The following PRMT3 variants were observed in gnomAD, a reference collection of about 807,000 sequenced individuals.
The protein encoded by PRMT3 is protein arginine methyltransferase 3, also known as protein arginine N-methyltransferase 3.
PRMT3 carries 62 observed loss-of-function variants against 71.9 expected under a neutral mutation model. That is an observed-to-expected ratio of 0.86 (90% CI 0.70 to 1.07). The LOEUF is 1.07. Ranked by LOEUF, PRMT3 falls within the 50% of genes least tolerant of loss-of-function variation. The probability of loss-of-function intolerance (pLI) is 0.00; values close to 1 mark genes in which losing one functional copy is unlikely to be tolerated. For missense variants in PRMT3, 663 were observed against 643.0 expected (o/e 1.03, Z -0.34); for synonymous variants, 213 against 220.4 (o/e 0.97, Z 0.30).
chr11:20,420,296 G>A (rs933637754), intron 9 of PRMT3, among the ~76,000 whole-genome samples: 1 of 152,200 alleles, frequency 6.6e-6, no homozygotes, highest in African/African-American at 2.4e-5. Context: ...CAGTATAAAA[G>A]TCTGATAAAA....
intron 8 of PRMT3, chr11:20,405,342 A>G (rs1271971863): frequency 1.3e-5 from 2 of 151,266 alleles, no homozygotes; most frequent in East Asian, 3.9e-4. Flanking sequence ...AAAAAAATGA[A>G]TCAAATTTCC....
chr11:20,474,986 A>G (rs978775735), intron 13 of PRMT3, among the ~76,000 whole-genome samples: 1 of 152,220 alleles, frequency 6.6e-6, no homozygotes, highest in Non-Finnish European at 1.5e-5. Context: ...GAAAAGAGGA[A>G]GTTGTTTACT....
intron 9 of PRMT3, among the ~76,000 whole-genome samples, chr11:20,418,055 A>G (rs1849347563): frequency 6.6e-6 from 1 of 152,190 alleles, no homozygotes; most frequent in South Asian, 2.1e-4. Flanking sequence ...TCATGAAGTG[A>G]AAGTTAAATT....
intron 8 of PRMT3, among the ~76,000 whole-genome samples, chr11:20,404,295 G>A (rs1309927442): frequency 2.5e-5 from 3 of 119,774 alleles, no homozygotes; most frequent in South Asian, 2.8e-4. Context: ...GTGCACTGGC[G>A]CGATCTCCGT....
intron 9 of PRMT3, among the ~76,000 whole-genome samples, chr11:20,412,534 T>G (rs1005527591): frequency 1.3e-5 from 2 of 152,150 alleles, no homozygotes; most frequent in African/African-American, 4.8e-5. Context: ...TATCAATTTT[T>G]CACGATTTTT....
chr11:20,400,961 G>A (rs551483548), intron 7 of PRMT3, among the ~76,000 whole-genome samples: 11 of 115,980 alleles, frequency 9.5e-5, no homozygotes, highest in South Asian at 3.4e-4. Flanking sequence ...TTGCGTTTTC[G>A]TATTTATTGG....
intron 15 of PRMT3, among the ~76,000 whole-genome samples, chr11:20,501,636 CTTAT>C (rs1851459955): frequency 6.6e-6 from 1 of 152,040 alleles, no homozygotes; most frequent in African/African-American, 2.4e-5. Context: ...GTATGTAAAG[CTTAT>C]TTTAGTGTCC....
At chr11:20,496,235 G>A (rs913835040) in intron 15 of PRMT3, among the ~76,000 whole-genome samples, 2 of 152,148 alleles carry the variant, frequency 1.3e-5, no homozygotes, top group African/African-American at 4.8e-5. Context: ...GATCAGGTAA[G>A]TTATGTATGT....
rs536475633 is a variant in PRMT3 at position 20,405,010 on chromosome 11, T to C, written c.771+2026T>C. 2.2e-3 allele frequency among the ~76,000 whole-genome samples: 341 copies of C among 152,346 alleles called. 2 individuals carry two copies. Among genetic ancestry groups the C allele is most frequent in the Non-Finnish European group, 3.7e-3 (254 of 68,016 alleles). On this transcript the variant is annotated intron_variant, in intron 8 of 15. Transcript: ENST00000331079. ...TAAGTAAATACTGAAAAGGCTCAAG[T>C]ATTAGTAATCATAAGATTAATCATC...
At chr11:20,467,938 T>A (rs1850551306) in intron 13 of PRMT3, among the ~76,000 whole-genome samples, 1 of 152,206 alleles carries the variant, frequency 6.6e-6, no homozygotes, top group Admixed American at 6.5e-5. Flanking sequence ...TTACCCTCCC[T>A]CCTACAGACC....
At chr11:20,495,380 A>T (rs1183629234) in intron 15 of PRMT3, among the ~76,000 whole-genome samples, 1 of 151,910 alleles carries the variant, frequency 6.6e-6, no homozygotes, top group East Asian at 1.9e-4. Flanking sequence ...AATAAAAATT[A>T]TCTGGGCATA....
intron 10 of PRMT3, among the ~76,000 whole-genome samples, chr11:20,441,367 G>T (rs1014953491): frequency 6.6e-6 from 1 of 151,188 alleles, no homozygotes; most frequent in Admixed American, 6.6e-5. Context: ...GTGCAGTGGC[G>T]CAATCTCGGC....
rs551422609 is a variant in PRMT3, at chr11:20,508,808, A to G, written c.*395A>G. 3 of 296,716 alleles carry G rather than the reference A, an allele frequency of 1.0e-5. No homozygotes were observed. In the East Asian group the frequency reaches 2.3e-4, roughly 23 times the overall value. 18.4% of individuals were successfully genotyped at this position (296,716 alleles called of 1,614,324 possible). A position where few individuals can be genotyped will look rare whatever the true frequency, so the allele number is the denominator to read the frequency against. ...TATTTGGATATTTTATTAAACTAGT[A>G]ACACAGGTACTACACATTTTATTAT... On this transcript the variant is annotated 3_prime_UTR_variant, in exon 16 of 16. Transcript: ENST00000331079.
At chr11:20,505,892 C>T (rs59895778) in intron 15 of PRMT3, among the ~76,000 whole-genome samples, 5,624 of 149,878 alleles carry the variant, frequency 0.038, 320 homozygotes, top group African/African-American at 0.13. Context: ...ACCCACGGGG[C>T]GGTAAAATTT....
At chr11:20,505,818 A>C (rs1447515103) in intron 15 of PRMT3, among the ~76,000 whole-genome samples, 1 of 151,912 alleles carries the variant, frequency 6.6e-6, no homozygotes, top group Non-Finnish European at 1.5e-5. Context: ...TAATAGTTAC[A>C]TCAACTTACA....
At chr11:20,452,507 C>T (rs1176322272) in intron 11 of PRMT3, among the ~76,000 whole-genome samples, 1 of 152,082 alleles carries the variant, frequency 6.6e-6, no homozygotes, top group Non-Finnish European at 1.5e-5. Context: ...TCAAATCTAA[C>T]AAACTCCTTT....
At chr11:20,427,401 C>G (rs895274776) in intron 10 of PRMT3, among the ~76,000 whole-genome samples, 2 of 152,118 alleles carry the variant, frequency 1.3e-5, no homozygotes, top group African/African-American at 4.8e-5. Flanking sequence ...TTTGTCAAGA[C>G]AGAATGTTTA....
rs190049639 is a variant in PRMT3, at chr11:20,402,746, G to T, written c.706-173G>T. 1.4e-4 allele frequency among the ~76,000 whole-genome samples: 22 copies of T among 152,226 alleles called. 1 individual carries two copies. Among genetic ancestry groups the T allele is most frequent in the Admixed American group, 3.3e-4 (5 of 15,276 alleles). On this transcript the variant is annotated intron_variant, in intron 7 of 15. Transcript: ENST00000331079. ...TCATAAAATATTTTCTTTGTGTGTT[G>T]TTGCTATTTCTATTCTTTATTGTTT...
chr11:20,493,940 A>G lies in PRMT3; in HGVS notation c.1369A>G (p.Ile457Val), dbSNP rs891893851. The change falls in exon 14 of 16, where the codon ATA (isoleucine) becomes GTA (valine). Residue 457 changes from isoleucine to valine, a missense_variant. By Grantham distance (29) the Ile-to-Val change is conservative (BLOSUM62 3). Transcript: ENST00000331079. The part of the protein sequence containing the change: ...MCTAIAGYFD[I>V]YFEKNCHNRV... ...ACAGGCAATTGCTGGCTACTTTGAT[A>G]TATATTTTGAGAAGAATTGCCACAA... 1.3e-5 allele frequency: 20 copies of G among 1,589,430 alleles called. No individual in the cohort carries two copies. In the Middle Eastern group the frequency reaches 1.1e-3, roughly 88 times the overall value.
Sources: allele counts gnomAD v4.1 joint callset (sites outside exome capture counted in the v4.1 genomes callset), GRCh38; gene constraint gnomAD v4.1.1; transcripts MANE v1.5; gene names NCBI Gene and HGNC (gene_info 2026-07-23, HGNC 2026-07-21).